ADH4: variants seen among roughly 807,000 people sequenced by gnomAD.
ADH4 encodes the protein all-trans-retinol dehydrogenase [NAD(+)] ADH4.
In ADH4, 31 loss-of-function variants were observed where a neutral mutation model predicts 35.2. The observed-to-expected ratio is 0.88, with a 90% confidence interval of 0.66 to 1.19. The LOEUF (loss-of-function observed/expected upper bound fraction) is 1.19. ADH4 is among the 50% of genes most tolerant of loss of function. The pLI is 0.00. For missense variants in ADH4, 476 were observed against 458.3 expected (o/e 1.04, Z -0.35); for synonymous variants, 171 against 160.2 (o/e 1.07, Z -0.51).
At chr4:99,133,766 C>G (rs1729355720) in intron 5 of ADH4, 1 of 152,120 alleles carries the variant, frequency 6.6e-6, no homozygotes, top group African/African-American at 2.4e-5. Flanking sequence ...AAATGTGGAA[C>G]CAATCCTTAA....
intron 2 of ADH4, 110 bp from the exon 3 acceptor site, chr4:99,141,792 G>A: frequency 2.0e-6 from 2 of 1,004,800 alleles, no homozygotes; most frequent in South Asian, 2.9e-5. Flanking sequence ...AAGACTTCTA[G>A]AACTCAATAA....
At chr4:99,133,514 G>C (rs1387182837) in intron 5 of ADH4, 4 of 152,210 alleles carry the variant, frequency 2.6e-5, no homozygotes, top group Admixed American at 1.3e-4. Context: ...CTTTTGGGCA[G>C]AATTACTGAT....
At chr4:99,133,158 T>G (rs1729339896) in intron 5 of ADH4, among the ~76,000 whole-genome samples, 1 of 152,154 alleles carries the variant, frequency 6.6e-6, no homozygotes, top group Admixed American at 6.6e-5. Flanking sequence ...CTCACAACAG[T>G]GTATAAATAT....
chr4:99,125,748 A>G (rs1283262878), intron 8 of ADH4, among the ~76,000 whole-genome samples: 2 of 152,194 alleles, frequency 1.3e-5, no homozygotes, highest in Admixed American at 6.5e-5. Context: ...CTTCCCCAAG[A>G]AGTAGTCTGG....
intron 1 of ADH4, 130 bp from the exon 2 acceptor site, chr4:99,142,910 A>G: frequency 1.6e-6 from 1 of 626,070 alleles, no homozygotes; most frequent in Non-Finnish European, 2.7e-6. Flanking sequence ...AAAGAGTTAA[A>G]GAGTTTGTAG....
chr4:99,138,306 A>G (rs752583974), intron 4 of ADH4, among the ~76,000 whole-genome samples: 1 of 152,180 alleles, frequency 6.6e-6, no homozygotes, highest in African/African-American at 2.4e-5. Flanking sequence ...TCCTCATTTT[A>G]TAGATGAAAA....
intron 5 of ADH4, among the ~76,000 whole-genome samples, chr4:99,132,932 C>T (rs1488705565): frequency 6.6e-6 from 1 of 152,052 alleles, no homozygotes; most frequent in East Asian, 1.9e-4. Flanking sequence ...GCTTTTGCTA[C>T]TCAGAGGAAA....
chr4:99,136,403 C>A, intron 5 of ADH4, 63 bp downstream of exon 5: 1 of 1,355,682 alleles, frequency 7.4e-7, no homozygotes, highest in Non-Finnish European at 1.0e-6. Context: ...AACTCTAGTT[C>A]ATCTGTATCA....
intron 8 of ADH4, 51 bp downstream of exon 8, chr4:99,126,543 G>A: frequency 6.6e-7 from 1 of 1,520,066 alleles, no homozygotes; most frequent in Non-Finnish European, 8.9e-7. Flanking sequence ...AAAGAAGATA[G>A]AATCATTGTA....
intron 8 of ADH4, among the ~76,000 whole-genome samples, chr4:99,124,689 C>T (rs2602895): frequency 0.79 from 120,024 of 152,072 alleles, 48,040 homozygotes; most frequent in East Asian, 1. Context: ...GACCCTTACT[C>T]ACCTTAGGCA....
intron 4 of ADH4, 64 bp from the exon 5 acceptor site, chr4:99,136,761 A>G: frequency 9.9e-7 from 1 of 1,013,280 alleles, no homozygotes; most frequent in Non-Finnish European, 1.5e-6. Context: ...AACACTGATC[A>G]TTTTCCTACA....
At position 99,142,756 on chromosome 4, in the gene ADH4, C is replaced by G; in HGVS notation, c.43G>C (p.Ala15Pro). 1 of 1,602,272 alleles carries G rather than the reference C, an allele frequency of 6.2e-7. No individual in the cohort carries two copies. Among genetic ancestry groups the G allele is most frequent in the South Asian group, 1.1e-5 (1 of 89,064 alleles). ...GKVIKCKAAI[A>P]WEAGKPLCIE... Reference sequence around the variant, plus strand: ...CAAAGGGGCTTGCCTGCTTCCCAGGCGATGGCTGCTTTGCATTTAATAACC... The same window carrying G: ...CAAAGGGGCTTGCCTGCTTCCCAGGGGATGGCTGCTTTGCATTTAATAACC... The change falls in exon 2 of 9, where the codon GCC (alanine) becomes CCC (proline). Residue 15 changes from alanine to proline, a missense_variant. Ala to Pro is a conservative substitution (Grantham distance 27). Coordinates refer to ENST00000265512, the MANE Select transcript of ADH4 (RefSeq NM_000670.5).
At chr4:99,138,161 G>A (rs7669636) in intron 4 of ADH4, among the ~76,000 whole-genome samples, 31,954 of 152,036 alleles carry the variant, frequency 0.21, 4,035 homozygotes, top group Non-Finnish European at 0.28. Context: ...TGGAATATCT[G>A]ATTATCTCTT....
chr4:99,126,707 TG>T lies in ADH4; in HGVS notation c.1004del (p.Pro335GlnfsTer18). ...FGGWKSVDSI[P>X]KLVTDYKNKK... ...TATTCTTATAGTCAGTGACCAGCTT[TG>T]GGATAGAATCTACACTTTTCCAACC... is the stretch of plus-strand genomic sequence containing the variant. On this transcript the variant is annotated frameshift_variant, in exon 8 of 9. Transcript: ENST00000265512. LOFTEE classifies it high-confidence loss of function. 1 of 1,609,640 alleles carries T rather than the reference TG, an allele frequency of 6.2e-7. No individual in the cohort carries two copies. Among genetic ancestry groups the T allele is most frequent in the Non-Finnish European group, 8.5e-7 (1 of 1,176,838 alleles).
In ADH4 at chr4:99,141,583, T is replaced by C. The variant is rs1560781783; in HGVS notation, c.220A>G (p.Ile74Val). ...PVIVGHEAAG[I>V]VESIGPGVTN... is the part of the protein sequence containing the mutation. ...ACTCCTGGCCCAATACTTTCCACAA[T>C]ACCTGCAGCCTCATGGCCAACGATC... The change falls in exon 3 of 9, where the codon ATT becomes GTT. Residue 74 changes from isoleucine to valine, a missense_variant. By Grantham distance (29) the Ile-to-Val change is conservative. Coordinates refer to ENST00000265512, the MANE Select transcript of ADH4 (RefSeq NM_000670.5). 1.2e-6 allele frequency: 2 copies of C among 1,614,134 alleles called. No homozygotes were observed. The highest frequency in any genetic ancestry group is 2.2e-5 in the South Asian group (2 of 91,078).
chr4:99,131,098 A>G (rs775966935), intron 6 of ADH4, among the ~76,000 whole-genome samples: 2 of 152,188 alleles, frequency 1.3e-5, no homozygotes, highest in Non-Finnish European at 2.9e-5. Context: ...ACATTTCTCT[A>G]ATTAAAAATG....
chr4:99,124,306 G>C lies in ADH4; in HGVS notation c.*136C>G, dbSNP rs1729009328. On this transcript the variant is annotated 3_prime_UTR_variant, in exon 9 of 9. Coordinates refer to ENST00000265512, the MANE Select transcript of ADH4 (RefSeq NM_000670.5). ...AGGTACAAAGTCTATAATATTTAAAGCTCTTTTATGTTCCCATATTAAATG... is the reference window on the plus strand; with the variant it reads ...AGGTACAAAGTCTATAATATTTAAACCTCTTTTATGTTCCCATATTAAATG... 1.6e-6 allele frequency: 1 copy of C among 639,412 alleles called. No homozygotes were observed. The highest frequency in any genetic ancestry group is 2.7e-6 in the Non-Finnish European group (1 of 365,500). 39.6% of individuals were successfully genotyped at this position (639,412 alleles called of 1,614,324 possible). A position where few individuals can be genotyped will look rare whatever the true frequency, so the allele number is the denominator to read the frequency against.
In ADH4 at chr4:99,136,537, T is replaced by C; in HGVS notation, c.511A>G (p.Asn171Asp). 6.2e-7 allele frequency: 1 copy of C among 1,614,118 alleles called. No individual in the cohort carries two copies. Among genetic ancestry groups the C allele is most frequent in the South Asian group, 1.1e-5 (1 of 91,082 alleles). ...INLAKIDDDA[N>D]LERVCLLGCG... Reference sequence around the variant, plus strand: ...CCAAGCAGACAAACTCTCTCTAAATTTGCATCATCATCTATTTTGGCAAGA... The same window carrying C: ...CCAAGCAGACAAACTCTCTCTAAATCTGCATCATCATCTATTTTGGCAAGA... Residue 171 changes from asparagine to aspartate, a missense_variant, in exon 5 of 9, where the codon AAT becomes GAT. By Grantham distance (23) the Asn-to-Asp change is conservative. Transcript: ENST00000265512.
chr4:99,137,542 A>G (rs1729482872), intron 4 of ADH4, among the ~76,000 whole-genome samples: 2 of 152,170 alleles, frequency 1.3e-5, no homozygotes, highest in Admixed American at 6.5e-5. Context: ...GATTACAGGC[A>G]TGACCCACCG....
Sources: allele counts gnomAD v4.1 joint callset (sites outside exome capture counted in the v4.1 genomes callset), GRCh38; gene constraint gnomAD v4.1.1; transcripts MANE v1.5; gene names NCBI Gene and HGNC (gene_info 2026-07-23, HGNC 2026-07-21).